KRI1: variants seen among roughly 807,000 people sequenced by gnomAD.
KRI1 encodes the protein protein KRI1 homolog.
A neutral mutation model predicts 97.0 loss-of-function variants in KRI1; 83 were observed. The observed-to-expected ratio is 0.86, with a 90% CI of 0.72 to 1.03. KRI1 has a LOEUF of 1.03. Among genes scored for constraint, KRI1 ranks in the 50% least tolerant of loss-of-function variants. KRI1 has a pLI of 0.00. For missense variants in KRI1, 916 were observed against 928.4 expected (o/e 0.99, Z 0.17); for synonymous variants, 371 against 363.5 (o/e 1.02, Z -0.23).
At position 10,553,657 on chromosome 19, in the gene KRI1, C is replaced by A; in HGVS notation, c.*294G>T. 3.0e-6 allele frequency: 1 copy of A among 334,334 alleles called. No individual in the cohort carries two copies. The highest frequency in any genetic ancestry group is 5.4e-6 in the Non-Finnish European group (1 of 183,672). 20.7% of individuals were successfully genotyped at this position (334,334 alleles called of 1,614,324 possible). The stretch of plus-strand genomic sequence containing the variant: ...GTGGTGCAATCATAGCTCTCTGTAG[C>A]CTCAAACTCATGGCCTTAAGTGATC... On this transcript the variant is annotated 3_prime_UTR_variant, in exon 19 of 19. Transcript: ENST00000312962.
At chr19:10,558,666 C>T (rs895479404) in intron 12 of KRI1, among the ~76,000 whole-genome samples, 6 of 150,992 alleles carry the variant, frequency 4.0e-5, no homozygotes, top group African/African-American at 7.3e-5. Flanking sequence ...CCTCAGCCTC[C>T]GGAATAGCTG....
At position 10,553,826 on chromosome 19, in the gene KRI1, G is replaced by T; in HGVS notation, c.*125C>A. 1 of 864,998 alleles carries T rather than the reference G, an allele frequency of 1.2e-6. No individual in the cohort carries two copies. Among genetic ancestry groups the T allele is most frequent in the Non-Finnish European group, 1.7e-6 (1 of 589,302 alleles). 53.6% of individuals were successfully genotyped at this position (864,998 alleles called of 1,614,324 possible). On this transcript the variant is annotated 3_prime_UTR_variant, in exon 19 of 19. Coordinates refer to ENST00000312962, the MANE Select transcript of KRI1 (RefSeq NM_023008.5). ...TTCACCTCGGCCTCCCAAAGTGCTG[G>T]GATTACAGGCGTGCCTGGCCACAGA...
chr19:10,565,772 T>C lies in KRI1; in HGVS notation c.113A>G (p.Asp38Gly). ...GCTGGAGTCGCTGCTGCTGTCTCGG[T>C]CCCCGTAGCGATCCTTCACTGCGGG... is the stretch of plus-strand genomic sequence containing the variant. ...ELQRLKDRYGDRDSSSDSSSE... is the reference protein window; with the variant it reads ...ELQRLKDRYGGRDSSSDSSSE... Residue 38 changes from aspartate (D) to glycine (G), a missense_variant, in exon 2 of 19, where the codon GAC becomes GGC. By Grantham distance (94) the Asp-to-Gly change is moderately conservative. Coordinates refer to ENST00000312962, the MANE Select transcript of KRI1 (RefSeq NM_023008.5). 6.4e-7 allele frequency: 1 copy of C among 1,573,582 alleles called. No homozygotes were observed. The highest frequency in any genetic ancestry group is 1.2e-5 in the South Asian group (1 of 86,814).
At chr19:10,562,142 A>C (rs761014225) in intron 4 of KRI1, among the ~76,000 whole-genome samples, 1 of 150,844 alleles carries the variant, frequency 6.6e-6, no homozygotes, top group Non-Finnish European at 1.5e-5. Context: ...TCCACCTCCC[A>C]GATTCAAGCG....
intron 18 of KRI1, among the ~76,000 whole-genome samples, chr19:10,554,731 G>T (rs975838512): frequency 6.6e-6 from 1 of 152,080 alleles, no homozygotes; most frequent in African/African-American, 2.4e-5. Context: ...TAAATAAACT[G>T]TGTGCATCTA....
Position 10,559,836 on chromosome 19 carries a change from G to A in KRI1, c.901C>T (p.Arg301Cys), listed in dbSNP as rs767219440. 7.4e-6 allele frequency: 12 copies of A among 1,613,830 alleles called. No individual in the cohort carries two copies. Among genetic ancestry groups the A allele is most frequent in the South Asian group, 3.3e-5 (3 of 91,088 alleles). The change falls in exon 10 of 19, where the codon CGT (arginine) becomes TGT (cysteine). Residue 301 changes from arginine (R) to cysteine (C), a missense_variant. By Grantham distance (180) the Arg-to-Cys change is radical. Around this residue, in one of 3 missense-constraint regions of KRI1, gnomAD observed 672 missense variants for 667.2 expected, o/e 1.01. Transcript: ENST00000312962. ...GATGCTGAGTCCGGCTCCTCGAAAC[G>A]GAAATTGTACTTCTGTTCAAAGTCC... ...QEDFEQKYNFRFEEPDSASVK... is the reference protein window; with the variant it reads ...QEDFEQKYNFCFEEPDSASVK...
intron 14 of KRI1, 30 bp from the exon 15 acceptor site, chr19:10,557,925 A>G: frequency 1.2e-6 from 2 of 1,613,662 alleles, no homozygotes; most frequent in Non-Finnish European, 1.7e-6. Flanking sequence ...AGATCCCACC[A>G]GCCCCCCGTC....
intron 1 of KRI1, 45 bp from the exon 2 acceptor site, chr19:10,565,835 G>C (rs937172491): frequency 6.5e-7 from 1 of 1,547,186 alleles, no homozygotes; most frequent in Non-Finnish European, 8.7e-7. Context: ...CAGCCGGCGG[G>C]GCCACTCGAC....
At chr19:10,557,296 G>A (rs1434021769) in intron 16 of KRI1, among the ~76,000 whole-genome samples, 6 of 151,792 alleles carry the variant, frequency 4.0e-5, no homozygotes, top group African/African-American at 9.7e-5. Flanking sequence ...TAGTAGAGAC[G>A]GAGTTTCACC....
At chr19:10,559,298 G>A (rs1003724940) in intron 12 of KRI1, 61 bp downstream of exon 12, 2 of 1,564,986 alleles carry the variant, frequency 1.3e-6, no homozygotes, top group Non-Finnish European at 1.7e-6. Context: ...AGCCACCGTG[G>A]CCAGTGAGAG....
intron 3 of KRI1, among the ~76,000 whole-genome samples, chr19:10,563,915 G>A (rs193171164): frequency 5.7e-4 from 86 of 151,990 alleles, no homozygotes; most frequent in Middle Eastern, 3.4e-3. Context: ...AGGCCAAGGC[G>A]GATGGATTAC....
chr19:10,559,252 G>A, intron 12 of KRI1, 107 bp downstream of exon 12: 1 of 1,255,608 alleles, frequency 8.0e-7, no homozygotes, highest in Non-Finnish European at 1.1e-6. Flanking sequence ...TGATCTGCCT[G>A]CCTTAGCCTC....
chr19:10,556,356 A>C (rs977488892), intron 16 of KRI1, among the ~76,000 whole-genome samples: 4 of 152,098 alleles, frequency 2.6e-5, no homozygotes, highest in African/African-American at 7.2e-5. Context: ...GACTGCTGCT[A>C]ATACATACTG....
rs1916353368 is a variant in KRI1 at position 10,553,121 on chromosome 19, T to A, written c.*830A>T. 3 of 1,509,596 alleles carry A rather than the reference T, an allele frequency of 2.0e-6. 1 individual carries two copies. The highest frequency in any genetic ancestry group is 4.1e-5 in the Admixed American group (2 of 48,418). The allele number at this position is 1,509,596 out of a possible 1,614,324, so 93.5% of individuals were successfully genotyped here. A position where few individuals can be genotyped will look rare whatever the true frequency, so the allele number is the denominator to read the frequency against. On this transcript the variant is annotated 3_prime_UTR_variant, in exon 19 of 19. Coordinates refer to ENST00000312962, the MANE Select transcript of KRI1 (RefSeq NM_023008.5). Reference sequence around the variant, plus strand: ...ACTATTTATTTTTTTATTTATGTCATGTCGGGTGTGGGATCTTGAGCTCTG... The same window carrying A: ...ACTATTTATTTTTTTATTTATGTCAAGTCGGGTGTGGGATCTTGAGCTCTG...
In KRI1 at chr19:10,557,890, G is replaced by A. The variant is rs755967396; in HGVS notation, c.1365C>T (p.Asp455=). The change falls in exon 15 of 19, where the codon GAC becomes GAT. Residue 455 remains aspartate, a synonymous_variant. Transcript: ENST00000312962. ...TCGGCTGGCTGGGGTCGTAGTCGGCGTCCATCTGCCAGGACGCACAGGTCA... is the reference window on the plus strand; with the variant it reads ...TCGGCTGGCTGGGGTCGTAGTCGGCATCCATCTGCCAGGACGCACAGGTCA... ...LHCEDPNFNM[D]ADYDPSQPRK... is the part of the protein sequence containing the mutation. The A allele has an allele frequency of 2.9e-5, 46 of 1,613,506 alleles. No individual in the cohort carries two copies. Among genetic ancestry groups the A allele is most frequent in the South Asian group, 2.5e-4 (23 of 91,054 alleles).
intron 8 of KRI1, 54 bp downstream of exon 8, chr19:10,560,949 G>C (rs1916673029): frequency 7.4e-7 from 1 of 1,355,064 alleles, no homozygotes; most frequent in East Asian, 2.3e-5. Context: ...AAATAGGTTG[G>C]ATGGACGCGG....
Position 10,560,450 on chromosome 19 carries a change from T to G in KRI1, c.664-2A>C. Reference sequence around the variant, plus strand: ...GTTCCAGTATTCCTTGAGATGCGTCTGGGGGTGACAGGAGACAGGACTCTG... The same window carrying G: ...GTTCCAGTATTCCTTGAGATGCGTCGGGGGGTGACAGGAGACAGGACTCTG... On this transcript the variant is annotated splice_acceptor_variant, in intron 8 of 18. Coordinates refer to ENST00000312962, the MANE Select transcript of KRI1 (RefSeq NM_023008.5). LOFTEE classifies it high-confidence loss of function. The G allele has an allele frequency of 6.2e-7, 1 of 1,606,064 alleles. No homozygotes were observed. Among genetic ancestry groups the G allele is most frequent in the South Asian group, 1.1e-5 (1 of 90,024 alleles).
Position 10,554,281 on chromosome 19 carries a change from C to T in KRI1, c.1782G>A (p.Glu594=). The T allele has an allele frequency of 1.2e-6, 2 of 1,613,462 alleles. No individual in the cohort carries two copies. The highest frequency in any genetic ancestry group is 1.7e-6 in the Non-Finnish European group (2 of 1,179,866). ...CTGTGGCTTCCGCAGGTGTCTCTGC[C>T]CTGAGGGAGAAAAGTCAGGGCTCAG... ...RQVFKSLCRE[E]AETPAEATGK... Residue 594 remains glutamate, a splice_region_variant and synonymous_variant, in exon 19 of 19, where the codon GAG becomes GAA. Coordinates refer to ENST00000312962, the MANE Select transcript of KRI1 (RefSeq NM_023008.5).
intron 13 of KRI1, 23 bp downstream of exon 13, chr19:10,558,141 C>G (rs1916576891): frequency 3.1e-6 from 5 of 1,613,662 alleles, no homozygotes. Context: ...CAATCCCCAG[C>G]CCAGTGCCCC....
Sources: allele counts gnomAD v4.1 joint callset (sites outside exome capture counted in the v4.1 genomes callset), GRCh38; gene constraint gnomAD v4.1.1; regional missense constraint gnomAD v4.1.1; transcripts MANE v1.5; gene names NCBI Gene and HGNC (gene_info 2026-07-23, HGNC 2026-07-21).